Variants in DIS3L2 observed in about 807,000 individuals in gnomAD.
The protein encoded by DIS3L2 is DIS3 like 3'-5' exoribonuclease 2, also known as DIS3-like exonuclease 2.
In DIS3L2, 34 loss-of-function variants were observed where a neutral mutation model predicts 97.5. The ratio of observed to expected loss-of-function variants is 0.35; its 90% CI spans 0.27 to 0.46. DIS3L2 has a LOEUF of 0.46. Ranked by LOEUF, DIS3L2 falls within the 20% of genes least tolerant of loss-of-function variation. DIS3L2 has a pLI of 1.00. For synonymous variants in DIS3L2, 435 were observed against 445.2 expected, an observed-to-expected ratio of 0.98 and a Z score of 0.29; for missense variants, 1,038 against 1,146.0, an observed-to-expected ratio of 0.91 and a Z score of 1.36.
chr2:232,342,256 C>CAT (rs1696125941), intron 13 of DIS3L2, among the ~76,000 whole-genome samples: 2 of 117,294 alleles, frequency 1.7e-5, no homozygotes, highest in Non-Finnish European at 3.4e-5. Flanking sequence ...TATACACATA[C>CAT]ACACATACAC....
intron 8 of DIS3L2, among the ~76,000 whole-genome samples, chr2:232,155,112 T>C (rs1176387961): frequency 3.3e-5 from 5 of 150,686 alleles, no homozygotes; most frequent in Non-Finnish European, 7.4e-5. Flanking sequence ...TGGCACTCCC[T>C]AGTGAGATGA....
chr2:232,054,672 A>G (rs1695496037), intron 5 of DIS3L2, among the ~76,000 whole-genome samples: 1 of 152,208 alleles, frequency 6.6e-6, no homozygotes, highest in Non-Finnish European at 1.5e-5. Context: ...AAATGGCTTT[A>G]CAAGTGAATG....
At chr2:232,051,811 CAAAAAAAAA>C (rs58851349) in intron 5 of DIS3L2, among the ~76,000 whole-genome samples, 11 of 37,066 alleles carry the variant, frequency 3.0e-4, no homozygotes, top group South Asian at 2.3e-3. Flanking sequence ...GACTCCGTCT[CAAAAAAAAA>C]AAAAAAAAAA....
chr2:232,252,586 A>C (rs1398411661), intron 12 of DIS3L2, among the ~76,000 whole-genome samples: 1 of 152,210 alleles, frequency 6.6e-6, no homozygotes. Context: ...TTTGTACTAC[A>C]CCAAACTTTA....
chr2:232,051,137 C>T (rs1695387689), intron 5 of DIS3L2, among the ~76,000 whole-genome samples: 2 of 152,150 alleles, frequency 1.3e-5, no homozygotes, highest in Admixed American at 6.5e-5. Flanking sequence ...AAGGTAACAA[C>T]AGGAACCTTT....
intron 8 of DIS3L2, among the ~76,000 whole-genome samples, chr2:232,145,553 C>G (rs1424571481): frequency 6.6e-6 from 1 of 152,086 alleles, no homozygotes; most frequent in Non-Finnish European, 1.5e-5. Context: ...AGGTATTTCC[C>G]ACACAGTAAC....
In DIS3L2 at chr2:232,105,100, G is replaced by A. The variant is rs1574878883; in HGVS notation, c.601+17379G>A. Among the ~76,000 whole-genome samples, 5 of 152,318 alleles carry A rather than the reference G, an allele frequency of 3.3e-5. No homozygotes were observed. The South Asian group carries it at 1.0e-3, about 32-fold the overall frequency. ...CCCAAAGTGCTGGGATTACAGATGT[G>A]AGCCACCATGCCCAGCCACACATTT... On this transcript the variant is annotated intron_variant, in intron 6 of 20. Transcript: ENST00000325385.
chr2:232,092,354 G>C (rs1696869066), intron 6 of DIS3L2, among the ~76,000 whole-genome samples: 2 of 152,000 alleles, frequency 1.3e-5, no homozygotes, highest in Admixed American at 6.6e-5. Context: ...GATTCCTCCA[G>C]TTTTGTTCCT....
rs1007661377 is a variant in DIS3L2, at chr2:232,269,245, T to C, written c.1659+5805T>C. On this transcript the variant is annotated intron_variant, in intron 13 of 20. Coordinates refer to ENST00000325385, the MANE Select transcript of DIS3L2 (RefSeq NM_152383.5). The surrounding 1 kb of genome is among the most constrained non-coding windows in gnomAD (Gnocchi z 4.5). Reference sequence around the variant, plus strand: ...AGCTGTATGTTTTGTTGAATCTGTTTCTGTTCCTTCTCTCCAATACAGTCG... The same window carrying C: ...AGCTGTATGTTTTGTTGAATCTGTTCCTGTTCCTTCTCTCCAATACAGTCG... Among the ~76,000 whole-genome samples, 3 of 152,224 alleles carry C rather than the reference T, an allele frequency of 2.0e-5. No individual in the cohort carries two copies. The highest frequency in any genetic ancestry group is 4.4e-5 in the Non-Finnish European group (3 of 68,040).
Position 232,336,659 on chromosome 2 carries a change from CCGCCTGCCT to C in DIS3L2, c.*30_*38del, listed in dbSNP as rs775837065. On this transcript the variant is annotated 3_prime_UTR_variant, in exon 21 of 21. Coordinates refer to ENST00000325385, the MANE Select transcript of DIS3L2 (RefSeq NM_152383.5). ...CCACCAGCCGCCTGCCCCGCCTGCCCCGCCTGCCTGTCCCGCCACACTGGCTTTAGGACC... is the reference window on the plus strand; with the variant it reads ...CCACCAGCCGCCTGCCCCGCCTGCCCGTCCCGCCACACTGGCTTTAGGACC... The C allele has an allele frequency of 3.1e-5, 48 of 1,549,394 alleles. No individual in the cohort carries two copies. The South Asian group carries it at 5.0e-4, about 16-fold the overall frequency.
chr2:232,107,429 G>A lies in DIS3L2; in HGVS notation c.601+19708G>A, dbSNP rs142031882. On this transcript the variant is annotated intron_variant, in intron 6 of 20. Transcript: ENST00000325385. Reference sequence around the variant, plus strand: ...AATGATAAGGGGTAGGCTGGGCGCAGTGGCTCACGCCTGTAATCCCAGCCC... The same window carrying A: ...AATGATAAGGGGTAGGCTGGGCGCAATGGCTCACGCCTGTAATCCCAGCCC... Among the ~76,000 whole-genome samples the A allele has an allele frequency of 7.3e-3, 1,114 of 152,338 alleles. 14 individuals are homozygous for A. Among genetic ancestry groups the A allele is most frequent in the African/African-American group, 0.026 (1,075 of 41,580 alleles).
chr2:232,237,877 G>GAT (rs1692977490), intron 10 of DIS3L2, among the ~76,000 whole-genome samples: 1 of 152,160 alleles, frequency 6.6e-6, no homozygotes, highest in South Asian at 2.1e-4. Flanking sequence ...ACATCTAAAT[G>GAT]GCTTGAGGGA....
At chr2:232,024,463 C>A in intron 4 of DIS3L2, 133 bp downstream of exon 4, 1 of 726,642 alleles carries the variant, frequency 1.4e-6, no homozygotes, top group Non-Finnish European at 2.3e-6. Context: ...AGATTTGTTT[C>A]AAATTTAAAT....
chr2:232,138,504 A>T (rs1002706764), intron 8 of DIS3L2, among the ~76,000 whole-genome samples: 2 of 152,150 alleles, frequency 1.3e-5, no homozygotes, highest in African/African-American at 4.8e-5. Context: ...AAAACATGGT[A>T]GGTTTTCCTG....
intron 14 of DIS3L2, 60 bp downstream of exon 14, chr2:232,300,179 GCTTT>G: frequency 6.6e-7 from 1 of 1,515,006 alleles, no homozygotes; most frequent in Non-Finnish European, 9.1e-7. Flanking sequence ...GTGCCTGTGG[GCTTT>G]CTGACACTGA....
At chr2:232,062,918 A>G (rs911414752) in intron 5 of DIS3L2, among the ~76,000 whole-genome samples, 1 of 152,028 alleles carries the variant, frequency 6.6e-6, no homozygotes, top group Admixed American at 6.6e-5. Context: ...ATTCTAACAC[A>G]ACACCATAGG....
At chr2:232,147,981 C>G (rs1268655970) in intron 8 of DIS3L2, among the ~76,000 whole-genome samples, 2 of 123,246 alleles carry the variant, frequency 1.6e-5, no homozygotes, top group Non-Finnish European at 3.5e-5. Context: ...CCTCCCCTCC[C>G]CTCCGCTCCC....
chr2:232,098,198 C>G (rs544189199), intron 6 of DIS3L2, among the ~76,000 whole-genome samples: 173 of 152,226 alleles, frequency 1.1e-3, no homozygotes, highest in Non-Finnish European at 1.9e-3. Flanking sequence ...AAGAAATATA[C>G]ACAGAGGACA....
At chr2:232,335,395 T>A in intron 19 of DIS3L2, 2 of 243,314 alleles carry the variant, frequency 8.2e-6, no homozygotes, top group Non-Finnish European at 1.6e-5. Flanking sequence ...TATCCTGAAG[T>A]TCAAGCCTAG....
Sources: gnomAD v4.1 joint callset for allele counts (sites outside exome capture counted in the v4.1 genomes callset) on GRCh38, gnomAD v4.1.1 for gene constraint, Gnocchi (gnomAD v3.1) non-coding constraint, MANE v1.5 for transcripts, NCBI Gene and HGNC (gene_info 2026-07-23, HGNC 2026-07-21) for gene names.